IGSF22: variants seen among roughly 807,000 people sequenced by gnomAD.
IGSF22 encodes immunoglobulin superfamily, member 22.
Under a neutral mutation model 127.0 loss-of-function variants are expected in IGSF22, and 119 were observed. That is an observed-to-expected ratio of 0.94 (90% CI 0.81 to 1.09). The LOEUF is 1.09. IGSF22 is among the 50% of genes least tolerant of loss of function. The probability of loss-of-function intolerance (pLI) is 0.00; values close to 1 mark genes in which losing one functional copy is unlikely to be tolerated. For missense variants in IGSF22, 1,518 were observed against 1,716.6 expected (o/e 0.88, Z 2.04); for synonymous variants, 568 against 664.7 (o/e 0.85, Z 2.24).
chr11:18,707,408 TG>T, intron 20 of IGSF22, 195 bp from the exon 21 acceptor site: 1 of 560,358 alleles, frequency 1.8e-6, no homozygotes. Flanking sequence ...GTTACTTATC[TG>T]AGACTTCTTT....
At position 18,705,996 on chromosome 11, in the gene IGSF22, A is replaced by C; in HGVS notation, c.3731T>G (p.Val1244Gly). The C allele has an allele frequency of 6.4e-7, 1 of 1,551,716 alleles. No individual in the cohort carries two copies. The highest frequency in any genetic ancestry group is 1.2e-5 in the South Asian group (1 of 84,070). The change falls in exon 22 of 23, where the codon GTG becomes GGG. Residue 1244 changes from valine to glycine, a missense_variant. Around this residue, in one of 3 missense-constraint regions of IGSF22, gnomAD observed 1,456 missense variants for 1,644.9 expected, o/e 0.89. Transcript: ENST00000513874. ...CAFLGNPRPTVTLYKGDVNIT... is the reference protein window; with the variant it reads ...CAFLGNPRPTGTLYKGDVNIT... ...GTTGACGTCGCCCTTGTAGAGGGTC[A>C]CTGTGGGCCGCGGGTTCCCAAGGAA...
chr11:18,715,857 G>A, intron 10 of IGSF22, 141 bp from the exon 11 acceptor site: 1 of 937,044 alleles, frequency 1.1e-6, no homozygotes, highest in Non-Finnish European at 1.6e-6. Context: ...TGTGTAATAT[G>A]TGACTCACAG....
chr11:18,721,625 G>A lies in IGSF22; in HGVS notation c.288C>T (p.Pro96=). ...FRARVQGNAK[P]HISWKRESGI... is the part of the protein sequence containing the mutation. ...CGCTCTCCCTCTTCCAGGAGATGTG[G>A]GGTTTGGCGTTCCCCTGCACCCGGG... Residue 96 remains proline (P), a synonymous_variant, in exon 4 of 23, where the codon CCC becomes CCT. Transcript: ENST00000513874. 1 of 1,614,258 alleles carries A rather than the reference G, an allele frequency of 6.2e-7. No homozygotes were observed. Among genetic ancestry groups the A allele is most frequent in the Non-Finnish European group, 8.5e-7 (1 of 1,180,048 alleles).
At chr11:18,722,180 G>T in intron 2 of IGSF22, 139 bp from the exon 3 acceptor site, 1 of 981,532 alleles carries the variant, frequency 1.0e-6, no homozygotes, top group Non-Finnish European at 1.5e-6. Context: ...CCAGCTACAT[G>T]GGGAGAAAGC....
chr11:18,704,433 A>T lies in IGSF22; in HGVS notation c.*35T>A. On this transcript the variant is annotated 3_prime_UTR_variant, in exon 23 of 23. Coordinates refer to ENST00000513874, the MANE Select transcript of IGSF22 (RefSeq NM_173588.4). Reference sequence around the variant, plus strand: ...AGGACAGGCCAAGAAACTCCACATCATAACAGCCTCCTGATGCCTGGGCTT... The same window carrying T: ...AGGACAGGCCAAGAAACTCCACATCTTAACAGCCTCCTGATGCCTGGGCTT... 1 of 1,471,986 alleles carries T rather than the reference A, an allele frequency of 6.8e-7. No homozygotes were observed. The highest frequency in any genetic ancestry group is 9.3e-7 in the Non-Finnish European group (1 of 1,074,460). The allele number at this position is 1,471,986 out of a possible 1,614,324, so 91.2% of individuals were successfully genotyped here.
At chr11:18,710,877 T>C (rs1207414900) in intron 15 of IGSF22, 49 bp from the exon 16 acceptor site, 2 of 1,529,344 alleles carry the variant, frequency 1.3e-6, no homozygotes, top group Non-Finnish European at 1.8e-6. Context: ...AGCATGTAGA[T>C]ATTTGCCCAC....
chr11:18,709,492 G>C lies in IGSF22; in HGVS notation c.2893C>G (p.Leu965Val). ...AAGAAGTATTTCTGCCTCTCGATGA[G>C]TCCTCCCACTGTGTAGCAGGTGCCT... ...ISGTCYTVGG[L>V]IERQKYFFRI... is the part of the protein sequence containing the mutation. The change falls in exon 18 of 23, where the codon CTC becomes GTC. Residue 965 changes from leucine to valine, a missense_variant. Leu to Val is a conservative substitution (Grantham distance 32). Coordinates refer to ENST00000513874, the MANE Select transcript of IGSF22 (RefSeq NM_173588.4). The surrounding 1 kb of genome is among the most constrained non-coding windows in gnomAD (Gnocchi z 4.8). The C allele has an allele frequency of 6.2e-7, 1 of 1,614,192 alleles. No homozygotes were observed. The highest frequency in any genetic ancestry group is 8.5e-7 in the Non-Finnish European group (1 of 1,180,042).
In IGSF22 at chr11:18,708,001, G is replaced by A. The variant is rs1330322869; in HGVS notation, c.3088-5C>T. On this transcript the variant is annotated splice_region_variant and splice_polypyrimidine_tract_variant and intron_variant, in intron 19 of 22. Coordinates refer to ENST00000513874, the MANE Select transcript of IGSF22 (RefSeq NM_173588.4). Reference sequence around the variant, plus strand: ...CACGTCAGGTGGTGGTGAGCCCTGAGTAGTGACAGGAGATGGCACAACTGG... The same window carrying A: ...CACGTCAGGTGGTGGTGAGCCCTGAATAGTGACAGGAGATGGCACAACTGG... The A allele has an allele frequency of 1.2e-6, 2 of 1,613,850 alleles. No homozygotes were observed. The highest frequency in any genetic ancestry group is 1.3e-5 in the African/African-American group (1 of 74,918).
At chr11:18,711,793 G>A (rs968240063) in intron 15 of IGSF22, among the ~76,000 whole-genome samples, 4 of 152,188 alleles carry the variant, frequency 2.6e-5, no homozygotes, top group Non-Finnish European at 5.9e-5. Flanking sequence ...ATGCTCACTT[G>A]GATTCTGGGA....
At chr11:18,710,241 T>C in intron 17 of IGSF22, 86 bp downstream of exon 17, 1 of 1,552,026 alleles carries the variant, frequency 6.4e-7, no homozygotes, top group Non-Finnish European at 8.8e-7. Context: ...ATACCTCGTG[T>C]CATACTTTCC....
rs1053089235 is a variant in IGSF22 at position 18,715,471 on chromosome 11, G to C, written c.1492C>G (p.Pro498Ala). The C allele has an allele frequency of 2.9e-5, 47 of 1,613,450 alleles. No homozygotes were observed. Among genetic ancestry groups the C allele is most frequent in the Non-Finnish European group, 3.7e-5 (44 of 1,179,956 alleles). The change falls in exon 11 of 23, where the codon CCT becomes GCT. Residue 498 changes from proline (P) to alanine (A), a missense_variant. Around this residue, in one of 3 missense-constraint regions of IGSF22, gnomAD observed 1,456 missense variants for 1,644.9 expected, o/e 0.89. Coordinates refer to ENST00000513874, the MANE Select transcript of IGSF22 (RefSeq NM_173588.4). ...ATGGCAGTACTGTAGTATTCAGTAG[G>C]GTCTCCATCCTGCATGGCCACCACA... is the stretch of plus-strand genomic sequence containing the variant. ...YTVVAMQDGD[P>A]TEYYSTAIVT...
At position 18,708,302 on chromosome 11, in the gene IGSF22, TG is replaced by T. The variant is rs1204943387; in HGVS notation, c.2999-8del. On this transcript the variant is annotated splice_polypyrimidine_tract_variant and splice_region_variant and intron_variant, in intron 18 of 22. Transcript: ENST00000513874. The stretch of plus-strand genomic sequence containing the variant: ...AGGTCAAACTTGGGTGCAGCTGAGA[TG>T]GAGGAGACAGAGGTGGAGGCATGGA... 2 of 1,539,254 alleles carry T rather than the reference TG, an allele frequency of 1.3e-6. No individual in the cohort carries two copies. The highest frequency in any genetic ancestry group is 1.8e-6 in the Non-Finnish European group (2 of 1,141,474).
At chr11:18,725,208 ACCT>A (rs1848633454) in intron 1 of IGSF22, among the ~76,000 whole-genome samples, 1 of 151,202 alleles carries the variant, frequency 6.6e-6, no homozygotes, top group South Asian at 2.1e-4. Flanking sequence ...GCTCATTGCA[ACCT>A]CCTCCTCTCG....
chr11:18,708,202 C>T lies in IGSF22; in HGVS notation c.3087+5G>A. The stretch of plus-strand genomic sequence containing the variant: ...GTATGGAGGTCAGGGTCAGGGACAA[C>T]TCACAGAGAAGGCTGCATGGATGCA... On this transcript the variant is annotated splice_donor_5th_base_variant and intron_variant, in intron 19 of 22. Coordinates refer to ENST00000513874, the MANE Select transcript of IGSF22 (RefSeq NM_173588.4). 6.5e-7 allele frequency: 1 copy of T among 1,540,222 alleles called. No homozygotes were observed. Among genetic ancestry groups the T allele is most frequent in the South Asian group, 1.2e-5 (1 of 81,108 alleles).
chr11:18,706,172 G>T, intron 21 of IGSF22, 26 bp from the exon 22 acceptor site: 5 of 1,518,862 alleles, frequency 3.3e-6, no homozygotes, highest in Non-Finnish European at 4.4e-6. Flanking sequence ...GGGGCAGGCC[G>T]TGAGGGCGCC....
chr11:18,712,327 A>C lies in IGSF22; in HGVS notation c.2153T>G (p.Val718Gly), dbSNP rs1244152370. The part of the protein sequence containing the change: ...VEFLELSGSC[V>G]HMKWKAPKDN... Reference sequence around the variant, plus strand: ...CTTTGGGGCCTTCCACTTCATGTGCACACAACTACCTGAGAGCTCCAGGAA... The same window carrying C: ...CTTTGGGGCCTTCCACTTCATGTGCCCACAACTACCTGAGAGCTCCAGGAA... The change falls in exon 15 of 23, where the codon GTG (valine) becomes GGG (glycine). Residue 718 changes from valine to glycine, a missense_variant. Physicochemically the swap from Val to Gly is moderately radical, Grantham distance 109 (BLOSUM62 -3). Around this residue, in one of 3 missense-constraint regions of IGSF22, gnomAD observed 1,456 missense variants for 1,644.9 expected, o/e 0.89. Coordinates refer to ENST00000513874, the MANE Select transcript of IGSF22 (RefSeq NM_173588.4). The C allele has an allele frequency of 6.4e-7, 1 of 1,551,672 alleles. No homozygotes were observed. The highest frequency in any genetic ancestry group is 2.0e-5 in the Admixed American group (1 of 51,012).
rs1329351420 is a variant in IGSF22, at chr11:18,706,912, A to C, written c.3580+2T>G. 2.0e-6 allele frequency: 3 copies of C among 1,489,612 alleles called. No homozygotes were observed. The highest frequency in any genetic ancestry group is 9.0e-7 in the Non-Finnish European group (1 of 1,113,004). The allele number at this position is 1,489,612 out of a possible 1,614,324, so 92.3% of individuals were successfully genotyped here. ...AACCCTAACTGCAAGTCCCAGACTCACTCTGGTCCTTATTGATGAGCCAGG... is the reference window on the plus strand; with the variant it reads ...AACCCTAACTGCAAGTCCCAGACTCCCTCTGGTCCTTATTGATGAGCCAGG... On this transcript the variant is annotated splice_donor_variant, in intron 21 of 22. Transcript: ENST00000513874. LOFTEE classifies it high-confidence loss of function.
rs765422122 is a variant in IGSF22, at chr11:18,716,908, G to A, written c.1066C>T (p.Pro356Ser). 1.9e-6 allele frequency: 3 copies of A among 1,614,182 alleles called. No individual in the cohort carries two copies. The highest frequency in any genetic ancestry group is 2.5e-6 in the Non-Finnish European group (3 of 1,180,024). ...VFEIRLSKKE[P>S]NFVWKFNGKE... ...CCATTGAACTTCCACACAAAGTTGG[G>A]CTCTTTCTTGGAGAGGCGGATCTCA... Residue 356 changes from proline (P) to serine (S), a missense_variant, in exon 10 of 23, where the codon CCC becomes TCC. By Grantham distance (74) the Pro-to-Ser change is moderately conservative (BLOSUM62 -1). Around this residue, in one of 3 missense-constraint regions of IGSF22, gnomAD observed 1,456 missense variants for 1,644.9 expected, o/e 0.89. Transcript: ENST00000513874. The surrounding 1 kb of genome is among the most constrained non-coding windows in gnomAD (Gnocchi z 4.5).
chr11:18,704,790 A>T, intron 22 of IGSF22: 1 of 436,152 alleles, frequency 2.3e-6, no homozygotes, highest in Non-Finnish European at 4.2e-6. Flanking sequence ...AACAGGCTCA[A>T]TGAGGTAGCT....
Sources: allele counts gnomAD v4.1 joint callset (sites outside exome capture counted in the v4.1 genomes callset), GRCh38; gene constraint gnomAD v4.1.1; regional missense constraint gnomAD v4.1.1; non-coding constraint Gnocchi (gnomAD v3.1); transcripts MANE v1.5; gene names NCBI Gene and HGNC (gene_info 2026-07-23, HGNC 2026-07-21).